The following ZSCAN21 variants were observed in gnomAD, a reference collection of about 807,000 sequenced individuals.
The protein encoded by ZSCAN21 is zinc finger and SCAN domain-containing protein 21.
In ZSCAN21, 26 loss-of-function variants were observed where a neutral mutation model predicts 35.6. The ratio of observed to expected loss-of-function variants is 0.73; its 90% CI spans 0.54 to 1.01. ZSCAN21 has a LOEUF of 1.01. Among genes scored for constraint, ZSCAN21 ranks in the 50% least tolerant of loss-of-function variants. The probability of loss-of-function intolerance (pLI) is 0.00; values close to 1 mark genes in which losing one functional copy is unlikely to be tolerated. For missense variants in ZSCAN21, 593 were observed against 587.1 expected, an observed-to-expected ratio of 1.01 and a Z score of -0.10; for synonymous variants, 219 against 219.3, an observed-to-expected ratio of 1.00 and a Z score of 0.01.
At chr7:100,059,381 A>G (rs1032327793) in intron 3 of ZSCAN21, among the ~76,000 whole-genome samples, 2 of 152,160 alleles carry the variant, frequency 1.3e-5, no homozygotes, top group African/African-American at 2.4e-5. Context: ...TTTATTTTCC[A>G]TATCTCTTGG....
At position 100,057,424 on chromosome 7, in the gene ZSCAN21, T is replaced by G. The variant is rs770485942; in HGVS notation, c.399+19T>G. 12 of 1,521,182 alleles carry G rather than the reference T, an allele frequency of 7.9e-6. No homozygotes were observed. The highest frequency in any genetic ancestry group is 4.4e-5 in the Admixed American group (2 of 45,646). 94.2% of individuals were successfully genotyped at this position (1,521,182 alleles called of 1,614,324 possible). ...ACACCAGGTAGGCAGGAGAGACCTT[T>G]GTTATTCTAGGAGATTGGGAGCGTA... On this transcript the variant is annotated intron_variant, in intron 2 of 3. Coordinates refer to ENST00000292450, the MANE Select transcript of ZSCAN21 (RefSeq NM_145914.3).
rs560409771 is a variant in ZSCAN21 at position 100,057,504 on chromosome 7, A to T, written c.399+99A>T. On this transcript the variant is annotated intron_variant, in intron 2 of 3. Coordinates refer to ENST00000292450, the MANE Select transcript of ZSCAN21 (RefSeq NM_145914.3). ...ATACATTAAGATTTGCTGAATGGAA[A>T]TTTCTGCTGAATTAGACCTTGTTTC... 9.0e-6 allele frequency: 13 copies of T among 1,449,818 alleles called. No homozygotes were observed. In the African/African-American group the frequency reaches 1.3e-4, roughly 14 times the overall value. The allele number at this position is 1,449,818 out of a possible 1,614,324, so 89.8% of individuals were successfully genotyped here. A position where few individuals can be genotyped will look rare whatever the true frequency, so the allele number is the denominator to read the frequency against.
intron 3 of ZSCAN21, among the ~76,000 whole-genome samples, chr7:100,059,740 G>A (rs373097688): frequency 2.1e-4 from 31 of 148,740 alleles, no homozygotes; most frequent in African/African-American, 6.7e-4. Context: ...ACAGAGTTTC[G>A]GTCTTGTTGC....
At chr7:100,060,584 T>C (rs1465144462) in intron 3 of ZSCAN21, among the ~76,000 whole-genome samples, 3 of 148,628 alleles carry the variant, frequency 2.0e-5, no homozygotes. Flanking sequence ...AAAACCAGAC[T>C]GGCTGGGCAT....
intron 1 of ZSCAN21, among the ~76,000 whole-genome samples, chr7:100,052,620 T>G (rs1791922025): frequency 6.6e-6 from 1 of 151,936 alleles, no homozygotes; most frequent in South Asian, 2.1e-4. Context: ...CAGGTGGTAA[T>G]GGCAAGTGGG....
chr7:100,064,254 G>T lies in ZSCAN21; in HGVS notation c.1059G>T (p.Met353Ile). 4.3e-6 allele frequency: 7 copies of T among 1,614,090 alleles called. No homozygotes were observed. Among genetic ancestry groups the T allele is most frequent in the Non-Finnish European group, 5.1e-6 (6 of 1,180,014 alleles). ...CAGACCTTCTTAAACATCAGAGAAT[G>T]CACACAGAAGAGGCGCCATATCAGT... The part of the protein sequence containing the change: ...QSSDLLKHQR[M>I]HTEEAPYQCK... The change falls in exon 4 of 4, where the codon ATG becomes ATT. Residue 353 changes from methionine to isoleucine, a missense_variant. Met to Ile is a conservative substitution (Grantham distance 10). Coordinates refer to ENST00000292450, the MANE Select transcript of ZSCAN21 (RefSeq NM_145914.3).
At chr7:100,062,414 G>A (rs1196954162) in intron 3 of ZSCAN21, among the ~76,000 whole-genome samples, 1 of 150,328 alleles carries the variant, frequency 6.7e-6, no homozygotes, top group Non-Finnish European at 1.5e-5. Context: ...TCTAGAACAT[G>A]GAGAAACCCT....
At chr7:100,051,072 G>A (rs1562842162) in intron 1 of ZSCAN21, among the ~76,000 whole-genome samples, 1 of 148,508 alleles carries the variant, frequency 6.7e-6, no homozygotes. Flanking sequence ...ATGCCTGTAA[G>A]GAGGCTGAGG....
At chr7:100,056,622 G>A (rs973871046) in intron 1 of ZSCAN21, among the ~76,000 whole-genome samples, 4 of 151,916 alleles carry the variant, frequency 2.6e-5, no homozygotes, top group East Asian at 1.9e-4. Context: ...CCATCACCAC[G>A]CCTGGCTAAT....
chr7:100,060,429 GCAT>G (rs1245216094), intron 3 of ZSCAN21, among the ~76,000 whole-genome samples: 1 of 152,180 alleles, frequency 6.6e-6, no homozygotes, highest in East Asian at 1.9e-4. Context: ...GGGCGTGGTG[GCAT>G]GCACCTGTAG....
intron 2 of ZSCAN21, 21 bp downstream of exon 2, chr7:100,057,426 T>A (rs773872346): frequency 6.6e-7 from 1 of 1,519,850 alleles, no homozygotes; most frequent in Non-Finnish European, 8.8e-7. Context: ...GAGACCTTTG[T>A]TATTCTAGGA....
In ZSCAN21 at chr7:100,057,299, C is replaced by A; in HGVS notation, c.293C>A (p.Pro98His). 6.2e-7 allele frequency: 1 copy of A among 1,613,474 alleles called. No individual in the cohort carries two copies. The highest frequency in any genetic ancestry group is 8.5e-7 in the Non-Finnish European group (1 of 1,179,766). Reference sequence around the variant, plus strand: ...CTGGAGCAGTTCCTGACCATCCTGCCCCAGGAGCTCCAGGCCTGGGTGCAG... The same window carrying A: ...CTGGAGCAGTTCCTGACCATCCTGCACCAGGAGCTCCAGGCCTGGGTGCAG... ...LVLEQFLTIL[P>H]QELQAWVQEH... The change falls in exon 2 of 4, where the codon CCC (proline) becomes CAC (histidine). Residue 98 changes from proline to histidine, a missense_variant. Pro to His is a moderately conservative substitution (Grantham distance 77). Coordinates refer to ENST00000292450, the MANE Select transcript of ZSCAN21 (RefSeq NM_145914.3).
In ZSCAN21 at chr7:100,065,002, A is replaced by C; in HGVS notation, c.*385A>C. Reference sequence around the variant, plus strand: ...AAAGAATTGAGCCACATTGAACACAATTGAATGAGATTCAGAATAAACTTA... The same window carrying C: ...AAAGAATTGAGCCACATTGAACACACTTGAATGAGATTCAGAATAAACTTA... On this transcript the variant is annotated 3_prime_UTR_variant, in exon 4 of 4. Coordinates refer to ENST00000292450, the MANE Select transcript of ZSCAN21 (RefSeq NM_145914.3). 6.7e-7 allele frequency: 1 copy of C among 1,494,762 alleles called. No individual in the cohort carries two copies. Among genetic ancestry groups the C allele is most frequent in the East Asian group, 2.4e-5 (1 of 42,508 alleles). 92.6% of individuals were successfully genotyped at this position (1,494,762 alleles called of 1,614,324 possible).
intron 1 of ZSCAN21, among the ~76,000 whole-genome samples, chr7:100,050,049 T>G (rs751543863): frequency 6.6e-6 from 1 of 152,214 alleles, no homozygotes; most frequent in Admixed American, 6.5e-5. Context: ...TTTCTTCCAC[T>G]TGGGGCTTTA....
Position 100,057,904 on chromosome 7 carries a change from A to G in ZSCAN21, c.592+14A>G, listed in dbSNP as rs1198205879. On this transcript the variant is annotated intron_variant, in intron 3 of 3. Coordinates refer to ENST00000292450, the MANE Select transcript of ZSCAN21 (RefSeq NM_145914.3). ...GAAAGGTCCGAGGTGAGGACCACCCATTAGACTCCTATTCAGTGCCCCAGG... is the reference window on the plus strand; with the variant it reads ...GAAAGGTCCGAGGTGAGGACCACCCGTTAGACTCCTATTCAGTGCCCCAGG... 7 of 1,579,860 alleles carry G rather than the reference A, an allele frequency of 4.4e-6. No individual in the cohort carries two copies. Among genetic ancestry groups the G allele is most frequent in the Admixed American group, 1.8e-5 (1 of 54,758 alleles).
chr7:100,060,871 A>AC (rs1350457005), intron 3 of ZSCAN21, among the ~76,000 whole-genome samples: 1 of 151,738 alleles, frequency 6.6e-6, no homozygotes, highest in Non-Finnish European at 1.5e-5. Flanking sequence ...AAAAAAAAAA[A>AC]AAAAAAACAT....
intron 3 of ZSCAN21, among the ~76,000 whole-genome samples, chr7:100,062,719 A>G (rs1411761634): frequency 6.6e-6 from 1 of 151,710 alleles, no homozygotes; most frequent in Non-Finnish European, 1.5e-5. Context: ...TATTAAAAAT[A>G]CAAAAATTAG....
intron 1 of ZSCAN21, among the ~76,000 whole-genome samples, chr7:100,054,411 G>A (rs535736852): frequency 1.3e-5 from 2 of 151,410 alleles, no homozygotes; most frequent in East Asian, 1.9e-4. Context: ...CACCACGCCC[G>A]GCTAATTTTT....
rs537947280 is a variant in ZSCAN21, at chr7:100,050,514, C to T, written c.-97+673C>T. Among the ~76,000 whole-genome samples the T allele has an allele frequency of 3.9e-5, 6 of 152,138 alleles. No individual in the cohort carries two copies. In the South Asian group the frequency reaches 1.0e-3, roughly 26 times the overall value. ...TTGAGGTCAGGAGTTCGAGACCAGCCTGGCCAAACCCTGTCCCCACGAAAA... is the reference window on the plus strand; with the variant it reads ...TTGAGGTCAGGAGTTCGAGACCAGCTTGGCCAAACCCTGTCCCCACGAAAA... On this transcript the variant is annotated intron_variant, in intron 1 of 3. Transcript: ENST00000292450.
Sources: gnomAD v4.1 joint callset for allele counts (sites outside exome capture counted in the v4.1 genomes callset) on GRCh38, gnomAD v4.1.1 for gene constraint, MANE v1.5 for transcripts, NCBI Gene and HGNC (gene_info 2026-07-23, HGNC 2026-07-21) for gene names.